MCTP2: variants seen among roughly 807,000 people sequenced by gnomAD.
The protein encoded by MCTP2 is multiple C2 and transmembrane domain-containing protein 2.
A neutral mutation model predicts 111.6 loss-of-function variants in MCTP2; 132 were observed. The observed-to-expected ratio is 1.18, with a 90% CI of 1.03 to 1.37. The LOEUF (loss-of-function observed/expected upper bound fraction) is 1.37, where lower values mean the gene tolerates loss of function less well. Ranked by LOEUF, MCTP2 falls within the 40% of genes most tolerant of loss-of-function variation. The probability of loss-of-function intolerance (pLI) is 0.00; values close to 1 mark genes in which losing one functional copy is unlikely to be tolerated. For missense variants in MCTP2, 1,183 were observed against 1,067.9 expected (o/e 1.11, Z -1.50); for synonymous variants, 395 against 387.7 (o/e 1.02, Z -0.22).
At chr15:94,398,811 C>T (rs10852210) in intron 14 of MCTP2, 150 bp from the exon 15 acceptor site, 314,417 of 532,036 alleles carry the variant, frequency 0.59, 98,125 homozygotes, top group Middle Eastern at 0.72. Flanking sequence ...AAGTAAAAGG[C>T]GATTTATGGT....
At position 94,327,475 on chromosome 15, in the gene MCTP2, T is replaced by C. The variant is rs767190776; in HGVS notation, c.638-11815T>C. Among the ~76,000 whole-genome samples, 6 of 152,260 alleles carry C rather than the reference T, an allele frequency of 3.9e-5. 1 individual carries two copies. Among genetic ancestry groups the C allele is most frequent in the Admixed American group, 2.0e-4 (3 of 15,290 alleles). On this transcript the variant is annotated intron_variant, in intron 4 of 22. Coordinates refer to ENST00000357742, the MANE Select transcript of MCTP2 (RefSeq NM_001385001.1). Reference sequence around the variant, plus strand: ...AGCTCCACACCAGAGTTTTATTGTATTGAAAATTCAGTCCTTTTTATTTTG... The same window carrying C: ...AGCTCCACACCAGAGTTTTATTGTACTGAAAATTCAGTCCTTTTTATTTTG...
intron 8 of MCTP2, among the ~76,000 whole-genome samples, chr15:94,352,968 A>C (rs2152420307): frequency 6.6e-6 from 1 of 152,232 alleles, no homozygotes. Context: ...TGTGGATCAC[A>C]GATGAAACTT....
At position 94,335,997 on chromosome 15, in the gene MCTP2, AAGG is replaced by A. The variant is rs534496500; in HGVS notation, c.638-3290_638-3288del. Among the ~76,000 whole-genome samples the A allele has an allele frequency of 6.1e-3, 922 of 152,340 alleles. 1 individual carries two copies. Among genetic ancestry groups the A allele is most frequent in the Admixed American group, 0.01 (155 of 15,300 alleles). Reference sequence around the variant, plus strand: ...TATTACTTTTCTTAAAAATTAAAAAAAGGAGAAGAGGAAAATCACCTGTCTTTA... The same window carrying A: ...TATTACTTTTCTTAAAAATTAAAAAAAGAAGAGGAAAATCACCTGTCTTTA... On this transcript the variant is annotated intron_variant, in intron 4 of 22. Transcript: ENST00000357742.
At chr15:94,327,915 A>G (rs1481154939) in intron 4 of MCTP2, among the ~76,000 whole-genome samples, 1 of 152,118 alleles carries the variant, frequency 6.6e-6, no homozygotes, top group East Asian at 1.9e-4. Context: ...TTGCTGCTTT[A>G]TAGAGTCAGT....
At chr15:94,285,680 A>G (rs567628089) in intron 1 of MCTP2, among the ~76,000 whole-genome samples, 5 of 152,256 alleles carry the variant, frequency 3.3e-5, no homozygotes, top group Admixed American at 2.0e-4. Flanking sequence ...TGTTTCCGAA[A>G]CCCTAGCTCC....
At chr15:94,411,866 C>G (rs1356147726) in intron 17 of MCTP2, among the ~76,000 whole-genome samples, 1 of 152,178 alleles carries the variant, frequency 6.6e-6, no homozygotes, top group Non-Finnish European at 1.5e-5. Flanking sequence ...CTCTTATTAC[C>G]TAAATCCATA....
At chr15:94,279,767 TTTA>T (rs1419302883) in intron 1 of MCTP2, among the ~76,000 whole-genome samples, 2 of 152,180 alleles carry the variant, frequency 1.3e-5, no homozygotes, top group East Asian at 3.8e-4. Context: ...TCTCTTTTTA[TTTA>T]TTATGTTCCT....
intron 19 of MCTP2, 82 bp downstream of exon 19, chr15:94,443,042 CCTCTCT>C: frequency 4.0e-5 from 40 of 996,952 alleles, no homozygotes; most frequent in Admixed American, 3.0e-5. Context: ...GAGTCTCTCT[CCTCTCT>C]TTTTTTTTTT....
intron 1 of MCTP2, among the ~76,000 whole-genome samples, chr15:94,272,972 A>G (rs1370823608): frequency 1.3e-5 from 2 of 152,148 alleles, no homozygotes; most frequent in African/African-American, 4.8e-5. Flanking sequence ...CCAGCTGCCA[A>G]TGTGGCTTTT....
At chr15:94,379,371 A>C (rs541277909) in intron 12 of MCTP2, among the ~76,000 whole-genome samples, 1 of 152,158 alleles carries the variant, frequency 6.6e-6, no homozygotes, top group Admixed American at 6.6e-5. Flanking sequence ...TTTGTAAACA[A>C]ATGGTTGGAA....
intron 17 of MCTP2, among the ~76,000 whole-genome samples, chr15:94,426,451 C>T (rs2082897181): frequency 6.6e-6 from 1 of 151,826 alleles, no homozygotes; most frequent in African/African-American, 2.4e-5. Context: ...AATTTAATTC[C>T]CTACTCCAAA....
chr15:94,293,033 TAAAC>T (rs2075101175), intron 1 of MCTP2: 1 of 152,058 alleles, frequency 6.6e-6, no homozygotes, highest in South Asian at 2.1e-4. Context: ...AAATGAACCT[TAAAC>T]TAAATATAAC....
chr15:94,274,608 ATACTT>A (rs1200335721), intron 1 of MCTP2, among the ~76,000 whole-genome samples: 1 of 152,152 alleles, frequency 6.6e-6, no homozygotes, highest in East Asian at 1.9e-4. Context: ...AATAAGCTAA[ATACTT>A]TAACATGGAC....
At chr15:94,471,158 T>A (rs759826253) in intron 21 of MCTP2, among the ~76,000 whole-genome samples, 9 of 152,190 alleles carry the variant, frequency 5.9e-5, no homozygotes, top group Non-Finnish European at 1.0e-4. Context: ...TGAGTTGATA[T>A]AAGGAGAGGG....
At chr15:94,311,910 G>A (rs2076160293) in intron 2 of MCTP2, among the ~76,000 whole-genome samples, 1 of 152,180 alleles carries the variant, frequency 6.6e-6, no homozygotes, top group African/African-American at 2.4e-5. Context: ...AGTCTGAGGG[G>A]TGATACGGTT....
chr15:94,282,558 G>C (rs1349493214), intron 1 of MCTP2, among the ~76,000 whole-genome samples: 1 of 152,192 alleles, frequency 6.6e-6, no homozygotes, highest in Non-Finnish European at 1.5e-5. Flanking sequence ...ATTTTAGTCT[G>C]GTTAAGCATC....
intron 8 of MCTP2, among the ~76,000 whole-genome samples, chr15:94,346,307 T>A (rs957877519): frequency 1.3e-5 from 2 of 152,206 alleles, no homozygotes; most frequent in Non-Finnish European, 2.9e-5. Flanking sequence ...TCTCATAAGG[T>A]GTCTTGTTAC....
intron 19 of MCTP2, among the ~76,000 whole-genome samples, chr15:94,448,323 A>G (rs888081590): frequency 6.6e-6 from 1 of 152,120 alleles, no homozygotes; most frequent in Admixed American, 6.5e-5. Flanking sequence ...TATTCTAAGG[A>G]TTGTAGTATA....
chr15:94,393,445 G>T (rs1482810440), intron 14 of MCTP2, among the ~76,000 whole-genome samples: 1 of 152,138 alleles, frequency 6.6e-6, no homozygotes. Context: ...AAATGTGTCG[G>T]TGTATTACAG....
Sources: gnomAD v4.1 joint callset for allele counts (sites outside exome capture counted in the v4.1 genomes callset) on GRCh38, gnomAD v4.1.1 for gene constraint, MANE v1.5 for transcripts, NCBI Gene and HGNC (gene_info 2026-07-23, HGNC 2026-07-21) for gene names.